The following DNAJC13 variants were observed in gnomAD, a reference collection of about 807,000 sequenced individuals.
DNAJC13 encodes the protein DnaJ heat shock protein family (Hsp40) member C13.
A neutral mutation model predicts 290.5 loss-of-function variants in DNAJC13; 75 were observed. The ratio of observed to expected loss-of-function variants is 0.26; its 90% CI spans 0.21 to 0.31. The LOEUF (loss-of-function observed/expected upper bound fraction) is 0.31, where lower values mean the gene tolerates loss of function less well. Ranked by LOEUF, DNAJC13 falls within the 10% of genes least tolerant of loss-of-function variation. The pLI is 1.00. For missense variants in DNAJC13, 2,260 were observed against 2,674.5 expected (o/e 0.85, Z 3.42); for synonymous variants, 862 against 892.0 (o/e 0.97, Z 0.60).
rs1349611141 is a variant in DNAJC13, at chr3:132,494,130, C to T, written c.3826-14C>T. 1 of 1,531,066 alleles carries T rather than the reference C, an allele frequency of 6.5e-7. No homozygotes were observed. The highest frequency in any genetic ancestry group is 1.2e-5 in the South Asian group (1 of 83,284). 94.8% of individuals were successfully genotyped at this position (1,531,066 alleles called of 1,614,324 possible). A position where few individuals can be genotyped will look rare whatever the true frequency, so the allele number is the denominator to read the frequency against. ...GTTTTACTTTGATATAAATTTTAAT[C>T]TTTTGTCTTTAAGGTTAAGCTTCTA... On this transcript the variant is annotated splice_polypyrimidine_tract_variant and intron_variant, in intron 33 of 55. Transcript: ENST00000260818.
intron 6 of DNAJC13, among the ~76,000 whole-genome samples, chr3:132,452,274 C>T (rs964623087): frequency 6.6e-6 from 1 of 152,172 alleles, no homozygotes; most frequent in Admixed American, 6.5e-5. Flanking sequence ...TGAATTAATC[C>T]ACTTTCTCAC....
intron 44 of DNAJC13, among the ~76,000 whole-genome samples, chr3:132,512,446 A>T (rs1408215785): frequency 1.3e-5 from 2 of 152,198 alleles, no homozygotes; most frequent in African/African-American, 2.4e-5. Flanking sequence ...TACCATATAG[A>T]AGAGGAAGAA....
chr3:132,424,358 A>AGGT (rs377711502), intron 1 of DNAJC13, among the ~76,000 whole-genome samples: 34 of 152,276 alleles, frequency 2.2e-4, no homozygotes, highest in Middle Eastern at 3.4e-3. Flanking sequence ...TAGAAGAGAC[A>AGGT]GGTCTCTTTT....
rs1171273012 is a variant in DNAJC13 at position 132,471,323 on chromosome 3, C to T, written c.2209-1822C>T. Among the ~76,000 whole-genome samples, 516 of 141,966 alleles carry T rather than the reference C, an allele frequency of 3.6e-3. 7 individuals are homozygous for T. The highest frequency in any genetic ancestry group is 0.013 in the African/African-American group (491 of 38,354). The allele number at this position is 141,966 out of a possible 152,430, so 93.1% of individuals were successfully genotyped here. A position where few individuals can be genotyped will look rare whatever the true frequency, so the allele number is the denominator to read the frequency against. On this transcript the variant is annotated intron_variant, in intron 20 of 55. Transcript: ENST00000260818. ...CCCCCCACCTCCCTCCCGGACGGGG[C>T]GGCTGGCCGGGCGGGGGGTTGACCC...
At chr3:132,444,855 C>T (rs1933192116) in intron 2 of DNAJC13, among the ~76,000 whole-genome samples, 1 of 152,020 alleles carries the variant, frequency 6.6e-6, no homozygotes. Context: ...CAAATGACTG[C>T]TTTTTTGTTA....
intron 20 of DNAJC13, among the ~76,000 whole-genome samples, chr3:132,470,736 G>A (rs1448005318): frequency 9.0e-6 from 1 of 110,958 alleles, no homozygotes; most frequent in Non-Finnish European, 1.9e-5. Context: ...CCCAGTAGGG[G>A]CGGCCGGGCA....
Position 132,451,685 on chromosome 3 carries a change from G to A in DNAJC13, c.537+838G>A, listed in dbSNP as rs188534101. ...ATTCTTGTAGCTACCTTAGTGTTCC[G>A]GGAATGCTCCTTCAATTTTTAGTGT... On this transcript the variant is annotated intron_variant, in intron 6 of 55. Transcript: ENST00000260818. Among the ~76,000 whole-genome samples the A allele has an allele frequency of 1.1e-3, 165 of 152,180 alleles. 1 individual carries two copies. The highest frequency in any genetic ancestry group is 3.4e-3 in the African/African-American group (140 of 41,522).
chr3:132,490,888 G>C lies in DNAJC13; in HGVS notation c.3469-9G>C. On this transcript the variant is annotated splice_polypyrimidine_tract_variant and intron_variant, in intron 31 of 55. Coordinates refer to ENST00000260818, the MANE Select transcript of DNAJC13 (RefSeq NM_015268.4). ...TTTTGACTACCTTTTGTTTTGTTTT[G>C]TTTTGAAGACAAAAGGACAAGATAT... 1 of 1,552,736 alleles carries C rather than the reference G, an allele frequency of 6.4e-7. No homozygotes were observed. Among genetic ancestry groups the C allele is most frequent in the South Asian group, 1.2e-5 (1 of 81,460 alleles).
chr3:132,467,043 T>G (rs1934018565), intron 19 of DNAJC13, 127 bp from the exon 20 acceptor site: 2 of 1,049,544 alleles, frequency 1.9e-6, no homozygotes, highest in African/African-American at 1.7e-5. Context: ...GTTTTCAGTT[T>G]GTTTCTTCAC....
intron 9 of DNAJC13, among the ~76,000 whole-genome samples, chr3:132,455,701 CTATG>C (rs1933574997): frequency 2.0e-5 from 3 of 152,284 alleles, no homozygotes; most frequent in African/African-American, 7.2e-5. Context: ...TCTCAAAAGC[CTATG>C]TATGATAAGT....
At position 132,453,375 on chromosome 3, in the gene DNAJC13, A is replaced by G; in HGVS notation, c.615A>G (p.Ser205=). The G allele has an allele frequency of 1.2e-6, 2 of 1,613,808 alleles. No individual in the cohort carries two copies. The highest frequency in any genetic ancestry group is 1.7e-6 in the Non-Finnish European group (2 of 1,179,808). ...IDHAGNYIGI[S]LRIRKEPLEF... ...ATGCTGGTAACTACATAGGTATTTC[A>G]TTGCGGATCAGGAAAGAGCCTTTAG... The change falls in exon 7 of 56, where the codon TCA becomes TCG. Residue 205 remains serine (S), a synonymous_variant. Coordinates refer to ENST00000260818, the MANE Select transcript of DNAJC13 (RefSeq NM_015268.4).
At chr3:132,432,634 C>T (rs1939272417) in intron 1 of DNAJC13, among the ~76,000 whole-genome samples, 1 of 152,198 alleles carries the variant, frequency 6.6e-6, no homozygotes, top group South Asian at 2.1e-4. Context: ...CAAAACCTAT[C>T]AGTCTTTCAT....
At chr3:132,506,045 C>CT (rs573857472) in intron 42 of DNAJC13, among the ~76,000 whole-genome samples, 5,085 of 72,386 alleles carry the variant, frequency 0.07, 436 homozygotes, top group Middle Eastern at 0.13. Flanking sequence ...TGTACATTAT[C>CT]TTTTTTTTTT....
At position 132,453,286 on chromosome 3, in the gene DNAJC13, A is replaced by G; in HGVS notation, c.538-12A>G. On this transcript the variant is annotated splice_polypyrimidine_tract_variant and intron_variant, in intron 6 of 55. Transcript: ENST00000260818. Reference sequence around the variant, plus strand: ...TTCAACTCTGACTTTTTAAATTTCTAAATTTGTGCAGCATTTATTTGCGTC... The same window carrying G: ...TTCAACTCTGACTTTTTAAATTTCTGAATTTGTGCAGCATTTATTTGCGTC... 6.2e-7 allele frequency: 1 copy of G among 1,609,910 alleles called. No homozygotes were observed. The highest frequency in any genetic ancestry group is 8.5e-7 in the Non-Finnish European group (1 of 1,178,022).
At chr3:132,453,751 A>ATC in intron 8 of DNAJC13, 57 bp downstream of exon 8, 1 of 1,436,262 alleles carries the variant, frequency 7.0e-7, no homozygotes, top group Non-Finnish European at 9.6e-7. Context: ...AAATTAGGAT[A>ATC]ATTTTCTTTC....
chr3:132,493,409 T>C (rs1311715664), intron 33 of DNAJC13, among the ~76,000 whole-genome samples: 18 of 152,040 alleles, frequency 1.2e-4, no homozygotes, highest in African/African-American at 1.4e-4. Flanking sequence ...CTGGTACTTA[T>C]TCAGGATTCA....
chr3:132,481,065 C>G (rs944895499), intron 26 of DNAJC13, among the ~76,000 whole-genome samples: 2 of 152,166 alleles, frequency 1.3e-5, no homozygotes, highest in Admixed American at 1.3e-4. Flanking sequence ...AATCCCCCAA[C>G]AGCCCTTGGA....
At chr3:132,434,001 C>G (rs1939307610) in intron 1 of DNAJC13, among the ~76,000 whole-genome samples, 1 of 152,176 alleles carries the variant, frequency 6.6e-6, no homozygotes, top group African/African-American at 2.4e-5. Flanking sequence ...ATCATGAGGT[C>G]AGGAGATCGA....
At chr3:132,483,209 C>T (rs978407318) in intron 27 of DNAJC13, among the ~76,000 whole-genome samples, 166 bp from the exon 28 acceptor site, 1 of 151,914 alleles carries the variant, frequency 6.6e-6, no homozygotes, top group East Asian at 1.9e-4. Context: ...TTTGTATTAA[C>T]CAAATTTGGG....
Sources: allele counts gnomAD v4.1 joint callset (sites outside exome capture counted in the v4.1 genomes callset), GRCh38; gene constraint gnomAD v4.1.1; transcripts MANE v1.5; gene names NCBI Gene and HGNC (gene_info 2026-07-23, HGNC 2026-07-21).